EML1: variants seen among roughly 807,000 people sequenced by gnomAD.
The protein encoded by EML1 is echinoderm microtubule-associated protein-like 1.
EML1 carries 27 observed loss-of-function variants against 110.4 expected under a neutral mutation model. The ratio of observed to expected loss-of-function variants is 0.24; its 90% CI spans 0.18 to 0.34. The LOEUF (loss-of-function observed/expected upper bound fraction) is 0.34. Among genes scored for constraint, EML1 ranks in the 10% least tolerant of loss-of-function variants. The pLI is 1.00. For missense variants in EML1, 741 were observed against 1,030.9 expected (o/e 0.72, Z 3.85); for synonymous variants, 344 against 385.8 (o/e 0.89, Z 1.27).
chr14:99,891,802 C>G (rs763944491), intron 5 of EML1, among the ~76,000 whole-genome samples: 6 of 152,158 alleles, frequency 3.9e-5, no homozygotes, highest in Non-Finnish European at 8.8e-5. Context: ...AAAAAATGGA[C>G]AAGTATGTAA....
At chr14:99,913,217 T>C (rs2059975252) in intron 13 of EML1, among the ~76,000 whole-genome samples, 1 of 152,162 alleles carries the variant, frequency 6.6e-6, no homozygotes, top group Non-Finnish European at 1.5e-5. Flanking sequence ...GGTCTGGCTC[T>C]GTCACCCAGG....
At chr14:99,801,760 A>T (rs1023093020) in intron 1 of EML1, among the ~76,000 whole-genome samples, 10 of 151,970 alleles carry the variant, frequency 6.6e-5, no homozygotes, top group Non-Finnish European at 1.3e-4. Flanking sequence ...ATCAGTTCTC[A>T]TCTAGGCTAG....
intron 17 of EML1, among the ~76,000 whole-genome samples, chr14:99,927,819 GT>G (rs2060266893): frequency 1.6e-5 from 1 of 61,650 alleles, no homozygotes; most frequent in East Asian, 4.3e-4. Context: ...TGGGGGGGTG[GT>G]GGTGGTGGTG....
At position 99,904,777 on chromosome 14, in the gene EML1, G is replaced by GT. The variant is rs1555402810; in HGVS notation, c.1009-2853dup. On this transcript the variant is annotated intron_variant, in intron 9 of 21. Transcript: ENST00000262233. ...CAAGATAAGAGAGAAACTTTATCCA[G>GT]TTTTTTTTCAGGAACCTGCCACAAA... Among the ~76,000 whole-genome samples the GT allele has an allele frequency of 2.6e-5, 4 of 152,030 alleles. No homozygotes were observed. In the East Asian group the frequency reaches 5.8e-4, roughly 22 times the overall value.
At chr14:99,874,388 A>C (rs2059255043) in intron 3 of EML1, among the ~76,000 whole-genome samples, 2 of 152,238 alleles carry the variant, frequency 1.3e-5, no homozygotes. Flanking sequence ...AAGCACTAAA[A>C]AATATACTGC....
At chr14:99,861,042 G>A (rs2058995360) in intron 2 of EML1, among the ~76,000 whole-genome samples, 1 of 152,102 alleles carries the variant, frequency 6.6e-6, no homozygotes, top group African/African-American at 2.4e-5. Flanking sequence ...TTATGAGATT[G>A]AATTTTGAAA....
chr14:99,780,283 A>G (rs1008592342), intron 1 of EML1, among the ~76,000 whole-genome samples: 2 of 152,116 alleles, frequency 1.3e-5, no homozygotes, highest in Admixed American at 6.5e-5. Flanking sequence ...TTCAGTCCAC[A>G]GCAGTTTCTT....
intron 1 of EML1, among the ~76,000 whole-genome samples, chr14:99,762,755 C>T (rs2057327946): frequency 6.6e-6 from 1 of 152,152 alleles, no homozygotes; most frequent in African/African-American, 2.4e-5. Flanking sequence ...GCCATATTTC[C>T]AGTCACTGCA....
intron 20 of EML1, 38 bp downstream of exon 20, chr14:99,937,950 AGTGTCTC>A: frequency 6.3e-7 from 1 of 1,580,080 alleles, no homozygotes; most frequent in Non-Finnish European, 8.7e-7. Flanking sequence ...CCAACAAAAG[AGTGTCTC>A]CTTTTAAAAT....
At chr14:99,775,097 G>A (rs1381704067) in intron 1 of EML1, among the ~76,000 whole-genome samples, 1 of 152,190 alleles carries the variant, frequency 6.6e-6, no homozygotes, top group African/African-American at 2.4e-5. Flanking sequence ...GCGGTTTGCT[G>A]GCGCACTGCC....
intron 1 of EML1, among the ~76,000 whole-genome samples, chr14:99,817,997 T>G (rs1475097902): frequency 2.6e-5 from 4 of 151,744 alleles, no homozygotes; most frequent in Non-Finnish European, 5.9e-5. Flanking sequence ...TTAAAGAAGA[T>G]GGGGGAGGTG....
chr14:99,884,725 T>G (rs2059445407), intron 4 of EML1, among the ~76,000 whole-genome samples: 1 of 152,186 alleles, frequency 6.6e-6, no homozygotes, highest in Non-Finnish European at 1.5e-5. Context: ...AAAGCACAGA[T>G]GCAGAAAACC....
rs147318619 is a variant in EML1 at position 99,913,058 on chromosome 14, T to C, written c.1495-1121T>C. 4.4e-3 allele frequency among the ~76,000 whole-genome samples: 663 copies of C among 152,366 alleles called. 3 individuals carry two copies. The highest frequency in any genetic ancestry group is 0.015 in the African/African-American group (627 of 41,586). ...TGTTCTTAATGGGTGTATTTTGCAA[T>C]TCTTTCTCTTAACATTTAGATTATT... On this transcript the variant is annotated intron_variant, in intron 13 of 21. Coordinates refer to ENST00000262233, the MANE Select transcript of EML1 (RefSeq NM_004434.3).
chr14:99,779,771 A>G (rs771017336), intron 1 of EML1, among the ~76,000 whole-genome samples: 4 of 152,114 alleles, frequency 2.6e-5, no homozygotes, highest in African/African-American at 9.7e-5. Flanking sequence ...GCTATCATTT[A>G]TTTGCCATCT....
upstream of EML1, among the ~76,000 whole-genome samples, chr14:99,768,598 C>T (rs574742636): frequency 5.3e-5 from 8 of 152,160 alleles, no homozygotes; most frequent in South Asian, 6.2e-4. Context: ...TGTGACAGCA[C>T]GGGATTACTG....
intron 1 of EML1, 31 bp from the exon 2 acceptor site, chr14:99,850,822 T>C: frequency 6.2e-7 from 1 of 1,605,102 alleles, no homozygotes; most frequent in Non-Finnish European, 8.5e-7. Context: ...GGGGAACACT[T>C]AAAGCTCACT....
chr14:99,754,077 G>A (rs887220682), intron 1 of EML1, among the ~76,000 whole-genome samples: 1 of 152,192 alleles, frequency 6.6e-6, no homozygotes, highest in Non-Finnish European at 1.5e-5. Context: ...CCCTCTCTGG[G>A]ACTCAGTTTC....
chr14:99,897,326 C>T (rs1216425654), intron 7 of EML1, 32 bp downstream of exon 7: 2 of 1,558,196 alleles, frequency 1.3e-6, no homozygotes, highest in African/African-American at 1.4e-5. Context: ...TCCTGCGACT[C>T]AGAAGGCGAA....
chr14:99,752,173 C>A (rs546906082), intron 1 of EML1, among the ~76,000 whole-genome samples: 1 of 152,268 alleles, frequency 6.6e-6, no homozygotes, highest in Admixed American at 6.5e-5. Flanking sequence ...GCTCCCAGTT[C>A]TTTGCCTCGA....
Sources: gnomAD v4.1 joint callset for allele counts (sites outside exome capture counted in the v4.1 genomes callset) on GRCh38, gnomAD v4.1.1 for gene constraint, MANE v1.5 for transcripts, NCBI Gene and HGNC (gene_info 2026-07-23, HGNC 2026-07-21) for gene names.